Variants in WDR62 observed in about 807,000 individuals in gnomAD.
WDR62 encodes WD repeat-containing protein 62.
WDR62 carries 112 observed loss-of-function variants against 160.6 expected under a neutral mutation model. The ratio of observed to expected loss-of-function variants is 0.70; its 90% CI spans 0.60 to 0.82. The LOEUF (loss-of-function observed/expected upper bound fraction) is 0.82, where lower values mean the gene tolerates loss of function less well. Among genes scored for constraint, WDR62 ranks in the 40% least tolerant of loss-of-function variants. The probability of loss-of-function intolerance (pLI) is 0.00; values close to 1 mark genes in which losing one functional copy is unlikely to be tolerated. For synonymous variants in WDR62, 792 were observed against 815.1 expected (o/e 0.97, Z 0.48); for missense variants, 1,819 against 1,983.8 (o/e 0.92, Z 1.58).
chr19:36,072,040 A>G (rs1971328680), intron 8 of WDR62, among the ~76,000 whole-genome samples: 2 of 152,196 alleles, frequency 1.3e-5, no homozygotes, highest in African/African-American at 4.8e-5. Context: ...ACCCCTACTA[A>G]GTGGCTGCTA....
chr19:36,068,808 C>A (rs923801666), intron 7 of WDR62, among the ~76,000 whole-genome samples: 2 of 152,236 alleles, frequency 1.3e-5, no homozygotes, highest in Admixed American at 1.3e-4. Flanking sequence ...CCCCACCTTT[C>A]CCCCTTTTCT....
intron 12 of WDR62, 44 bp downstream of exon 12, chr19:36,084,788 A>G (rs774578913): frequency 2.5e-6 from 4 of 1,576,778 alleles, no homozygotes; most frequent in Non-Finnish European, 2.6e-6. Flanking sequence ...GCAGGGAGGC[A>G]GCCCCCCTGG....
Position 36,102,031 on chromosome 19 carries a change from G to C in WDR62, c.3100G>C (p.Glu1034Gln). The C allele has an allele frequency of 6.2e-7, 1 of 1,614,150 alleles. No individual in the cohort carries two copies. Among genetic ancestry groups the C allele is most frequent in the Non-Finnish European group, 8.5e-7 (1 of 1,180,032 alleles). ...PHFPGCAGPT[E>Q]DELSLPEGPS... ...CCTGTCAGGATGCGCAGGTCCCACA[G>C]AAGATGAGCTGTCCCTGCCCGAGGG... Residue 1034 changes from glutamate (E) to glutamine (Q), a missense_variant, in exon 26 of 32, where the codon GAA becomes CAA. Glu to Gln is a conservative substitution (Grantham distance 29). Coordinates refer to ENST00000401500, the MANE Select transcript of WDR62 (RefSeq NM_001083961.2).
At chr19:36,065,937 A>C in intron 3 of WDR62, 21 bp from the exon 4 acceptor site, 1 of 1,613,564 alleles carries the variant, frequency 6.2e-7, no homozygotes, top group Non-Finnish European at 8.5e-7. Flanking sequence ...ACCAGTGATC[A>C]GCTCTTTTCT....
intron 9 of WDR62, among the ~76,000 whole-genome samples, chr19:36,077,421 C>T (rs2145674045): frequency 6.6e-6 from 1 of 151,270 alleles, no homozygotes; most frequent in South Asian, 2.1e-4. Flanking sequence ...GCTGAGACTA[C>T]AGGCACACGC....
chr19:36,108,243 G>A (rs939105479), downstream of WDR62, among the ~76,000 whole-genome samples: 3 of 152,102 alleles, frequency 2.0e-5, no homozygotes, highest in Non-Finnish European at 4.4e-5. Context: ...TAGAAGCCCA[G>A]GTGACCCCGC....
chr19:36,069,164 G>C (rs1281277140), intron 7 of WDR62, among the ~76,000 whole-genome samples: 2 of 145,892 alleles, frequency 1.4e-5, no homozygotes, highest in Admixed American at 1.3e-4. Context: ...GGCTGGCCGG[G>C]CGGGGGCTGA....
At chr19:36,092,590 G>C in intron 18 of WDR62, 99 bp from the exon 19 acceptor site, 15 of 1,529,686 alleles carry the variant, frequency 9.8e-6, no homozygotes, top group Non-Finnish European at 1.3e-5. Flanking sequence ...TGGAGAATGG[G>C]GTCCAGGCTG....
chr19:36,099,242 A>C (rs1211186533), intron 21 of WDR62, among the ~76,000 whole-genome samples, 157 bp from the exon 22 acceptor site: 1 of 151,406 alleles, frequency 6.6e-6, no homozygotes, highest in Non-Finnish European at 1.5e-5. Context: ...AAAAAAAAAA[A>C]AACAGAGAAA....
intron 2 of WDR62, among the ~76,000 whole-genome samples, chr19:36,059,280 C>G (rs1169134992): frequency 6.6e-6 from 1 of 152,146 alleles, no homozygotes; most frequent in Non-Finnish European, 1.5e-5. Flanking sequence ...GAAGATGCTA[C>G]AGCTGTTCAT....
At chr19:36,064,544 G>T (rs1266674159) in intron 3 of WDR62, among the ~76,000 whole-genome samples, 1 of 152,014 alleles carries the variant, frequency 6.6e-6, no homozygotes, top group Non-Finnish European at 1.5e-5. Context: ...CTCCCAAAGT[G>T]CTGGGATTAC....
At chr19:36,096,942 T>A (rs1173828693) in intron 20 of WDR62, 85 bp from the exon 21 acceptor site, 1 of 1,278,436 alleles carries the variant, frequency 7.8e-7, no homozygotes, top group African/African-American at 1.5e-5. Context: ...GTTGTGGTGT[T>A]GCCTCTTTGG....
intron 10 of WDR62, 109 bp from the exon 11 acceptor site, chr19:36,082,954 C>G (rs1310852932): frequency 7.2e-6 from 7 of 966,706 alleles, no homozygotes; most frequent in African/African-American, 1.6e-5. Context: ...ACTCCCAGCT[C>G]AAAATTAGAG....
At position 36,070,698 on chromosome 19, in the gene WDR62, A is replaced by T. The variant is rs576817041; in HGVS notation, c.883-858A>T. On this transcript the variant is annotated intron_variant, in intron 7 of 31. Coordinates refer to ENST00000401500, the MANE Select transcript of WDR62 (RefSeq NM_001083961.2). ...AAACATCATTTTCTCTTTTTCAAGC[A>T]AGTGAAAAGCTTTCAATAGATAGAT... The T allele has an allele frequency of 2.0e-5, 3 of 152,370 alleles. No homozygotes were observed. In the South Asian group the frequency reaches 6.2e-4, roughly 32 times the overall value. The allele number at this position is 152,370 out of a possible 1,614,324, so 9.4% of individuals were successfully genotyped here. A position where few individuals can be genotyped will look rare whatever the true frequency, so the allele number is the denominator to read the frequency against.
chr19:36,103,082 T>A lies in WDR62; in HGVS notation c.3462+8T>A, dbSNP rs746107786. The A allele has an allele frequency of 6.2e-7, 1 of 1,613,894 alleles. No homozygotes were observed. The highest frequency in any genetic ancestry group is 1.7e-5 in the Admixed American group (1 of 60,012). ...TCCCCAGACAGGACCCACGTGAGTA[T>A]TGGGCCCACCTCCGTCAGGGCACGG... On this transcript the variant is annotated splice_region_variant and intron_variant, in intron 28 of 31. Coordinates refer to ENST00000401500, the MANE Select transcript of WDR62 (RefSeq NM_001083961.2).
Position 36,091,427 on chromosome 19 carries a change from CTA to C in WDR62, c.2174_2175del (p.Tyr725Ter). ...SEIITSMKFT[Y>X]DCHHLITVSG... The stretch of plus-strand genomic sequence containing the variant: ...AAATTATTACCAGCATGAAGTTCAC[CTA>C]TGACTGTCATCACTTGATCACAGTA... On this transcript the variant is annotated frameshift_variant, in exon 18 of 32. Coordinates refer to ENST00000401500, the MANE Select transcript of WDR62 (RefSeq NM_001083961.2). LOFTEE classifies it high-confidence loss of function. 6.2e-7 allele frequency: 1 copy of C among 1,613,908 alleles called. No homozygotes were observed. Among genetic ancestry groups the C allele is most frequent in the South Asian group, 1.1e-5 (1 of 91,078 alleles).
rs150937272 is a variant in WDR62, at chr19:36,066,192, C to T, written c.391-65C>T. 1,270 of 1,610,036 alleles carry T rather than the reference C, an allele frequency of 7.9e-4. 11 individuals carry two copies. In the African/African-American group the frequency reaches 0.015, roughly 19 times the overall value. On this transcript the variant is annotated intron_variant, in intron 4 of 31. Coordinates refer to ENST00000401500, the MANE Select transcript of WDR62 (RefSeq NM_001083961.2). Reference sequence around the variant, plus strand: ...ATCCTGTGGCAATGCCATCTTCGGCCTTGACAACCCTCTAGCCCTGCCCAG... The same window carrying T: ...ATCCTGTGGCAATGCCATCTTCGGCTTTGACAACCCTCTAGCCCTGCCCAG...
the WDR62 span, among the ~76,000 whole-genome samples, chr19:36,110,452 CAA>C: frequency 6.6e-6 from 1 of 151,942 alleles, no homozygotes; most frequent in Admixed American, 6.6e-5. Flanking sequence ...GCCTGGGCAA[CAA>C]GAGTGAAACT....
In WDR62 at chr19:36,078,062, C is replaced by T. The variant is rs145125643; in HGVS notation, c.1234-3371C>T. ...GTACGGATAGAACACATTTTGTTCT[C>T]TGTTATCAGTTGACGGCCACTTGGG... On this transcript the variant is annotated intron_variant, in intron 9 of 31. Transcript: ENST00000401500. Among the ~76,000 whole-genome samples the T allele has an allele frequency of 5.3e-5, 8 of 152,156 alleles. No individual in the cohort carries two copies. The East Asian group carries it at 9.7e-4, about 18-fold the overall frequency.
Sources: gnomAD v4.1 joint callset for allele counts (sites outside exome capture counted in the v4.1 genomes callset) on GRCh38, gnomAD v4.1.1 for gene constraint, MANE v1.5 for transcripts, NCBI Gene and HGNC (gene_info 2026-07-23, HGNC 2026-07-21) for gene names.